The following RALA variants were observed in gnomAD, a reference collection of about 807,000 sequenced individuals.
The protein encoded by RALA is ras-related protein Ral-A.
Under a neutral mutation model 24.0 loss-of-function variants are expected in RALA, and 5 were observed. That is an observed-to-expected ratio of 0.21 (90% CI 0.11 to 0.44). The LOEUF (loss-of-function observed/expected upper bound fraction) is 0.44. Ranked by LOEUF, RALA falls within the 20% of genes least tolerant of loss-of-function variation. RALA has a pLI of 0.99. For missense variants in RALA, 95 were observed against 241.2 expected (o/e 0.39, Z 4.01); for synonymous variants, 77 against 83.8 (o/e 0.92, Z 0.44).
At chr7:39,683,644 A>G (rs1792644680) in intron 1 of RALA, among the ~76,000 whole-genome samples, 1 of 152,154 alleles carries the variant, frequency 6.6e-6, no homozygotes, top group Non-Finnish European at 1.5e-5. Flanking sequence ...TCCTTGGCAG[A>G]AGCTTCTTTT....
intron 2 of RALA, among the ~76,000 whole-genome samples, chr7:39,687,560 A>G (rs975145932): frequency 1.3e-5 from 2 of 152,224 alleles, no homozygotes; most frequent in Non-Finnish European, 2.9e-5. Flanking sequence ...ACAGATTTGT[A>G]TGCATGTATT....
intron 1 of RALA, among the ~76,000 whole-genome samples, chr7:39,666,590 C>T (rs1243579348): frequency 1.3e-5 from 2 of 152,232 alleles, no homozygotes; most frequent in African/African-American, 4.8e-5. Flanking sequence ...AGGATCTTAA[C>T]AGTACATACT....
At chr7:39,668,537 G>T (rs975126855) in intron 1 of RALA, among the ~76,000 whole-genome samples, 2 of 152,166 alleles carry the variant, frequency 1.3e-5, no homozygotes, top group Non-Finnish European at 2.9e-5. Flanking sequence ...AGTGACTCAT[G>T]CCTGTAATCC....
chr7:39,697,414 C>A (rs752252997), intron 4 of RALA: 7 of 456,660 alleles, frequency 1.5e-5, no homozygotes, highest in South Asian at 1.1e-4. Context: ...TCAGAGTGGC[C>A]CTTCCTGAAG....
intron 4 of RALA, among the ~76,000 whole-genome samples, 200 bp downstream of exon 4, chr7:39,697,059 T>G (rs1460288184): frequency 6.6e-6 from 1 of 152,222 alleles, no homozygotes; most frequent in Admixed American, 6.5e-5. Flanking sequence ...CATTAAAACA[T>G]GAGACACTAC....
intron 1 of RALA, among the ~76,000 whole-genome samples, chr7:39,681,315 T>C (rs1363359870): frequency 9.9e-6 from 1 of 101,232 alleles, no homozygotes; most frequent in Non-Finnish European, 2.1e-5. Context: ...TTTTTTTTTT[T>C]TTTTTTTTTT....
At chr7:39,690,689 T>A (rs1792800508) in intron 3 of RALA, 99 bp downstream of exon 3, 8 of 910,482 alleles carry the variant, frequency 8.8e-6, no homozygotes, top group Non-Finnish European at 6.6e-6. Flanking sequence ...GTTAGTCTTT[T>A]ACTCTGTCTC....
intron 1 of RALA, among the ~76,000 whole-genome samples, chr7:39,685,336 G>A (rs1017155006): frequency 1.3e-5 from 2 of 152,226 alleles, no homozygotes; most frequent in African/African-American, 4.8e-5. Flanking sequence ...TGGGTCTGAT[G>A]CAGCTGAGCT....
At chr7:39,705,006 A>G (rs370348843) in intron 4 of RALA, among the ~76,000 whole-genome samples, 5 of 152,288 alleles carry the variant, frequency 3.3e-5, no homozygotes, top group South Asian at 2.1e-4. Flanking sequence ...TAAAACACCT[A>G]TGTCTCTAAA....
At chr7:39,692,511 T>TA (rs1325773346) in intron 3 of RALA, among the ~76,000 whole-genome samples, 1 of 152,190 alleles carries the variant, frequency 6.6e-6, no homozygotes, top group African/African-American at 2.4e-5. Flanking sequence ...AAACTGTATT[T>TA]AAAGGGAGTA....
chr7:39,704,206 T>C (rs1168877188), intron 4 of RALA, among the ~76,000 whole-genome samples: 1 of 152,108 alleles, frequency 6.6e-6, no homozygotes, highest in East Asian at 1.9e-4. Flanking sequence ...TTTGTTTTGT[T>C]TTGTTGGAAT....
At chr7:39,680,983 C>T (rs571332419) in intron 1 of RALA, among the ~76,000 whole-genome samples, 1 of 152,180 alleles carries the variant, frequency 6.6e-6, no homozygotes, top group Non-Finnish European at 1.5e-5. Flanking sequence ...GGCATCTATA[C>T]CCCTATTCTT....
intron 1 of RALA, among the ~76,000 whole-genome samples, chr7:39,685,766 A>G (rs1792688529): frequency 1.3e-5 from 2 of 152,094 alleles, no homozygotes; most frequent in Admixed American, 1.3e-4. Context: ...AATTCTGTTT[A>G]TAATTCTACC....
At chr7:39,691,240 A>G (rs1444196108) in intron 3 of RALA, among the ~76,000 whole-genome samples, 1 of 152,130 alleles carries the variant, frequency 6.6e-6, no homozygotes, top group African/African-American at 2.4e-5. Context: ...GCTCCTCTAT[A>G]TTTAAGAGGT....
At chr7:39,660,037 T>A (rs56863609) in intron 1 of RALA, among the ~76,000 whole-genome samples, 12,558 of 150,728 alleles carry the variant, frequency 0.083, 634 homozygotes, top group Middle Eastern at 0.16. Context: ...TTTAAAAAAA[T>A]TTTTTTTTTA....
intron 1 of RALA, among the ~76,000 whole-genome samples, chr7:39,647,497 A>G (rs1458546568): frequency 6.6e-6 from 1 of 152,236 alleles, no homozygotes; most frequent in Non-Finnish European, 1.5e-5. Flanking sequence ...GAAACAATGT[A>G]GGTCTGGAGT....
intron 1 of RALA, among the ~76,000 whole-genome samples, chr7:39,647,473 T>A (rs1791946213): frequency 6.6e-6 from 1 of 152,250 alleles, no homozygotes; most frequent in Admixed American, 6.5e-5. Flanking sequence ...CTTGAGGTAT[T>A]GTTGGAAACA....
At chr7:39,701,914 T>C (rs1793035051) in intron 4 of RALA, among the ~76,000 whole-genome samples, 1 of 152,214 alleles carries the variant, frequency 6.6e-6, no homozygotes, top group African/African-American at 2.4e-5. Context: ...CTTGTTATTA[T>C]CCTTCTAGCT....
intron 1 of RALA, among the ~76,000 whole-genome samples, chr7:39,654,523 C>T (rs1329560848): frequency 1.3e-5 from 2 of 152,156 alleles, no homozygotes; most frequent in Non-Finnish European, 2.9e-5. Flanking sequence ...TCTTAACCTT[C>T]AAAGACTGGA....
Sources: allele counts gnomAD v4.1 joint callset (sites outside exome capture counted in the v4.1 genomes callset), GRCh38; gene constraint gnomAD v4.1.1; transcripts MANE v1.5; gene names NCBI Gene and HGNC (gene_info 2026-07-23, HGNC 2026-07-21).